Variants in LAMA2 observed in about 807,000 individuals in gnomAD.
LAMA2 encodes the protein laminin subunit alpha 2, also known as laminin subunit alpha-2.
A neutral mutation model predicts 364.8 loss-of-function variants in LAMA2; 269 were observed. The ratio of observed to expected loss-of-function variants is 0.74; its 90% CI spans 0.67 to 0.82. The LOEUF is 0.82. Among genes scored for constraint, LAMA2 ranks in the 40% least tolerant of loss-of-function variants. The pLI is 0.00. For missense variants in LAMA2, 3,807 were observed against 3,873.2 expected (o/e 0.98, Z 0.45); for synonymous variants, 1,379 against 1,370.6 (o/e 1.01, Z -0.14).
intron 17 of LAMA2, among the ~76,000 whole-genome samples, chr6:129,272,834 A>G (rs1199667280): frequency 6.6e-6 from 1 of 152,158 alleles, no homozygotes; most frequent in Non-Finnish European, 1.5e-5. Context: ...CGAGGGATCT[A>G]GCTTGTATGC....
intron 55 of LAMA2, among the ~76,000 whole-genome samples, chr6:129,481,997 G>T (rs1784372283): frequency 6.6e-6 from 1 of 152,098 alleles, no homozygotes; most frequent in African/African-American, 2.4e-5. Flanking sequence ...AGCATTCAAG[G>T]ATGTTAAAGC....
intron 45 of LAMA2, among the ~76,000 whole-genome samples, chr6:129,451,045 G>A (rs980917979): frequency 1.3e-5 from 2 of 152,052 alleles, no homozygotes; most frequent in South Asian, 2.1e-4. Flanking sequence ...GCCCTCTACT[G>A]TGCTGTCTTT....
At chr6:128,993,030 C>T (rs996532010) in intron 1 of LAMA2, among the ~76,000 whole-genome samples, 3 of 152,164 alleles carry the variant, frequency 2.0e-5, no homozygotes, top group African/African-American at 7.2e-5. Context: ...ATCACTGGTG[C>T]TATTTAATTT....
In LAMA2 at chr6:129,287,951, G is replaced by A. The variant is rs774412379; in HGVS notation, c.2642G>A (p.Ser881Asn). ...TTCTCCATCCCTGGCAGCTGTGACAGCTTGTCTGGCTCCTGTCTGATATGT... is the reference window on the plus strand; with the variant it reads ...TTCTCCATCCCTGGCAGCTGTGACAACTTGTCTGGCTCCTGTCTGATATGT... ...LDFSIPGSCDSLSGSCLICKP... is the reference protein window; with the variant it reads ...LDFSIPGSCDNLSGSCLICKP... Residue 881 changes from serine (S) to asparagine (N), a missense_variant, in exon 19 of 65, where the codon AGC (serine) becomes AAC (asparagine). This residue lies in a region of LAMA2 where 3,333 missense variants were observed against 3,345.7 expected (regional missense o/e 1.00). Coordinates refer to ENST00000421865, the MANE Select transcript of LAMA2 (RefSeq NM_000426.4). 17 of 1,614,116 alleles carry A rather than the reference G, an allele frequency of 1.1e-5. No homozygotes were observed. The highest frequency in any genetic ancestry group is 1.4e-5 in the Non-Finnish European group (16 of 1,179,962).
chr6:129,154,370 C>T, intron 7 of LAMA2, 135 bp from the exon 8 acceptor site: 2 of 724,954 alleles, frequency 2.8e-6, no homozygotes, highest in East Asian at 2.9e-5. Flanking sequence ...CGAGATCGTG[C>T]CACTCTGCAC....
chr6:129,026,616 T>TTAC (rs1387280645), intron 1 of LAMA2, among the ~76,000 whole-genome samples: 5 of 152,182 alleles, frequency 3.3e-5, no homozygotes, highest in African/African-American at 1.2e-4. Flanking sequence ...ATGTAAGAAG[T>TTAC]ATATTTCATG....
At chr6:129,486,028 G>A (rs1201716812) in intron 55 of LAMA2, among the ~76,000 whole-genome samples, 1 of 152,196 alleles carries the variant, frequency 6.6e-6, no homozygotes, top group Admixed American at 6.5e-5. Context: ...GTTTGTGATA[G>A]CGATCTATTC....
chr6:129,151,373 C>A (rs562918610), intron 7 of LAMA2, among the ~76,000 whole-genome samples: 13 of 152,226 alleles, frequency 8.5e-5, no homozygotes, highest in African/African-American at 3.1e-4. Flanking sequence ...TTTTGAAATA[C>A]ACTATTACAA....
In LAMA2 at chr6:129,029,747, G is replaced by C. The variant is rs370010828; in HGVS notation, c.113-20171G>C. Among the ~76,000 whole-genome samples the C allele has an allele frequency of 4.4e-4, 67 of 152,148 alleles. 1 individual carries two copies. The South Asian group carries it at 0.01, about 23-fold the overall frequency. On this transcript the variant is annotated intron_variant, in intron 1 of 64. Transcript: ENST00000421865. ...CCCCAAGAAATTGAGGGAAACTATG[G>C]AAATGATTGTAGCAAGTGGTAGCAA...
intron 3 of LAMA2, among the ~76,000 whole-genome samples, chr6:129,067,180 TG>T (rs1287712582): frequency 6.6e-6 from 1 of 152,166 alleles, no homozygotes; most frequent in Non-Finnish European, 1.5e-5. Context: ...GCTAAATTGG[TG>T]AATACCAAAC....
intron 12 of LAMA2, among the ~76,000 whole-genome samples, chr6:129,243,265 T>C (rs538247791): frequency 6.6e-6 from 1 of 152,222 alleles, no homozygotes; most frequent in East Asian, 1.9e-4. Flanking sequence ...ATGCTCAAGA[T>C]AGGTCAGTGC....
chr6:128,917,540 T>G (rs1778400190), intron 1 of LAMA2, among the ~76,000 whole-genome samples: 1 of 152,076 alleles, frequency 6.6e-6, no homozygotes, highest in East Asian at 1.9e-4. Context: ...CTTAGGTAAA[T>G]GAAATGAGAA....
chr6:129,471,441 T>C (rs1194776367), intron 51 of LAMA2, among the ~76,000 whole-genome samples: 3 of 151,906 alleles, frequency 2.0e-5, no homozygotes, highest in African/African-American at 4.8e-5. Flanking sequence ...ATATATTCAT[T>C]CATGGATAAG....
chr6:129,401,714 A>G (rs1779983913), intron 38 of LAMA2, among the ~76,000 whole-genome samples: 1 of 152,356 alleles, frequency 6.6e-6, no homozygotes, highest in Non-Finnish European at 1.5e-5. Context: ...TGCATTACAT[A>G]GAGTGATATG....
At chr6:129,250,458 A>G (rs565773443) in intron 13 of LAMA2, among the ~76,000 whole-genome samples, 2 of 152,352 alleles carry the variant, frequency 1.3e-5, no homozygotes, top group African/African-American at 4.8e-5. Context: ...AATTTCAAAC[A>G]TAAGGACCAT....
At chr6:129,313,487 T>C (rs1476953604) in intron 23 of LAMA2, among the ~76,000 whole-genome samples, 6 of 152,178 alleles carry the variant, frequency 3.9e-5, no homozygotes, top group Non-Finnish European at 7.3e-5. Context: ...AAAAACCATT[T>C]CTCCAAAAAT....
At chr6:129,208,548 A>G (rs1450436973) in intron 12 of LAMA2, among the ~76,000 whole-genome samples, 1 of 115,384 alleles carries the variant, frequency 8.7e-6, no homozygotes, top group Non-Finnish European at 1.7e-5. Flanking sequence ...AAAGAAAAGG[A>G]AGAGAAAGAA....
rs757043373 is a variant in LAMA2, at chr6:129,190,359, A to G, written c.1608+14A>G. 6.2e-6 allele frequency: 10 copies of G among 1,612,448 alleles called. No individual in the cohort carries two copies. The highest frequency in any genetic ancestry group is 8.5e-6 in the Non-Finnish European group (10 of 1,178,768). The stretch of plus-strand genomic sequence containing the variant: ...ACCTATGGCAAAGTAAGCAAGCACC[A>G]TTTGGTTCTGTTTGCTGCCCCAGCA... On this transcript the variant is annotated intron_variant, in intron 11 of 64. Transcript: ENST00000421865.
intron 1 of LAMA2, among the ~76,000 whole-genome samples, chr6:128,943,221 A>G (rs1278643952): frequency 1.3e-5 from 2 of 152,082 alleles, no homozygotes; most frequent in Admixed American, 1.3e-4. Flanking sequence ...GTATATATAC[A>G]TACACGCACA....
Sources: gnomAD v4.1 joint callset for allele counts (sites outside exome capture counted in the v4.1 genomes callset) on GRCh38, gnomAD v4.1.1 for gene constraint, gnomAD v4.1.1 regional missense constraint, MANE v1.5 for transcripts, NCBI Gene and HGNC (gene_info 2026-07-23, HGNC 2026-07-21) for gene names.